The following NCOR2 variants were observed in gnomAD, a reference collection of about 807,000 sequenced individuals.
NCOR2 encodes the protein CTG repeat protein 26.
In NCOR2, 81 loss-of-function variants were observed where a neutral mutation model predicts 262.9. The ratio of observed to expected loss-of-function variants is 0.31; its 90% CI spans 0.26 to 0.37. The LOEUF is 0.37. Among genes scored for constraint, NCOR2 ranks in the 10% least tolerant of loss-of-function variants. The pLI, the probability that NCOR2 is intolerant of heterozygous loss-of-function variation, is 1.00. For missense variants in NCOR2, 3,385 were observed against 3,621.4 expected (o/e 0.93, Z 1.68); for synonymous variants, 1,659 against 1,559.3 (o/e 1.06, Z -1.51).
At chr12:124,424,651 C>A (rs1271576737) in intron 11 of NCOR2, among the ~76,000 whole-genome samples, 2 of 152,242 alleles carry the variant, frequency 1.3e-5, no homozygotes, top group Admixed American at 1.3e-4. Flanking sequence ...GGTCCACTCA[C>A]CCCTGCCGGG....
At chr12:124,388,524 G>A (rs1432714739) in intron 16 of NCOR2, among the ~76,000 whole-genome samples, 1 of 152,126 alleles carries the variant, frequency 6.6e-6, no homozygotes, top group Non-Finnish European at 1.5e-5. Context: ...GGAGAGAGAG[G>A]AGAGGGCATG....
intron 14 of NCOR2, 35 bp downstream of exon 16, chr12:124,402,369 G>A (rs770889754): frequency 1.7e-5 from 27 of 1,610,790 alleles, no homozygotes; most frequent in Middle Eastern, 3.3e-4. Context: ...TTGGGTCAGC[G>A]GCCGGGCCCT....
intron 13 of NCOR2, among the ~76,000 whole-genome samples, chr12:124,418,077 A>G (rs1395206543): frequency 1.3e-5 from 2 of 151,536 alleles, no homozygotes; most frequent in African/African-American, 2.4e-5. Flanking sequence ...AAAAAAAAAC[A>G]AATCCCAAAA....
intron 11 of NCOR2, among the ~76,000 whole-genome samples, chr12:124,424,180 C>T (rs1256579106): frequency 1.3e-5 from 2 of 152,132 alleles, no homozygotes; most frequent in East Asian, 1.9e-4. Flanking sequence ...AGGCTGAAGC[C>T]GCAGAAAGTC....
intron 1 of NCOR2, among the ~76,000 whole-genome samples, chr12:124,564,287 T>C (rs1437961247): frequency 2.0e-5 from 3 of 152,164 alleles, no homozygotes; most frequent in Non-Finnish European, 4.4e-5. Context: ...ACAGACCTTC[T>C]GTCACCCTTG....
intron 16 of NCOR2, among the ~76,000 whole-genome samples, chr12:124,397,003 G>A (rs1462599516): frequency 3.9e-5 from 6 of 152,218 alleles, no homozygotes. Flanking sequence ...ACAGGGACGG[G>A]GAGTGGGGGC....
intron 1 of NCOR2, 36 bp from the exon 4 acceptor site, chr12:124,486,604 G>A (rs772023456): frequency 3.1e-5 from 47 of 1,539,592 alleles, no homozygotes; most frequent in South Asian, 1.5e-4. Flanking sequence ...GAGCGTGGGC[G>A]GGCACGGGCA....
At chr12:124,563,707 T>C (rs1236839017) in intron 1 of NCOR2, among the ~76,000 whole-genome samples, 1 of 152,270 alleles carries the variant, frequency 6.6e-6, no homozygotes, top group African/African-American at 2.4e-5. Flanking sequence ...TTTGCATGAA[T>C]GTTTCAGATA....
At chr12:124,535,878 T>C (rs1328730047), upstream of NCOR2, among the ~76,000 whole-genome samples, 1 of 136,458 alleles carries the variant, frequency 7.3e-6, no homozygotes, top group African/African-American at 2.8e-5. Context: ...CCCAGATGTG[T>C]GGGTTTAAAG....
chr12:124,399,331 T>C (rs1022049387), intron 15 of NCOR2, among the ~76,000 whole-genome samples: 1 of 152,142 alleles, frequency 6.6e-6, no homozygotes, highest in East Asian at 1.9e-4. Context: ...AGAAGAGACA[T>C]GGAAGGCCTA....
intron 17 of NCOR2, among the ~76,000 whole-genome samples, chr12:124,384,911 G>A (rs1278152823): frequency 3.9e-5 from 6 of 152,040 alleles, no homozygotes; most frequent in Non-Finnish European, 7.4e-5. Context: ...TGAAGAGCGT[G>A]GGTGCTGATC....
chr12:124,566,737 CA>C lies in NCOR2; in HGVS notation c.-165+570del, dbSNP rs1199286093. Among the ~76,000 whole-genome samples the C allele has an allele frequency of 2.0e-5, 3 of 152,186 alleles. No individual in the cohort carries two copies. The highest frequency in any genetic ancestry group is 4.4e-5 in the Non-Finnish European group (3 of 68,012). The stretch of plus-strand genomic sequence containing the variant: ...ACACCGGCCCGCGGGGGAGGGGGAC[CA>C]GGGGCGACTCTCCCGAGGGACCCCG... On this transcript the variant is annotated intron_variant, in intron 1 of 32. Coordinates refer to the NCOR2 transcript ENST00000458234. The surrounding 1 kb of genome is among the most constrained non-coding windows in gnomAD (Gnocchi z 4.3).
Position 124,357,873 on chromosome 12 carries a change from TAC to T in NCOR2, c.3101-1093_3101-1092del, listed in dbSNP as rs1332587152. 4.7e-5 allele frequency among the ~76,000 whole-genome samples: 7 copies of T among 150,108 alleles called. No homozygotes were observed. The South Asian group carries it at 1.5e-3, about 32-fold the overall frequency. On this transcript the variant is annotated intron_variant, in intron 22 of 46. Transcript: ENST00000405201. The stretch of plus-strand genomic sequence containing the variant: ...GTGCATGGATGTGTGTGTGCGCCTG[TAC>T]ACAATGTTGAAGGAGGTAACCTGTG...
rs1366398232 is a variant in NCOR2, at chr12:124,483,192, C to T, written c.411+404G>A. Among the ~76,000 whole-genome samples the T allele has an allele frequency of 6.6e-6, 1 of 152,116 alleles. No homozygotes were observed. Among genetic ancestry groups the T allele is most frequent in the African/African-American group, 2.4e-5 (1 of 41,406 alleles). On this transcript the variant is annotated intron_variant, in intron 3 of 46. Coordinates refer to ENST00000405201, the Ensembl canonical transcript of NCOR2. The surrounding 1 kb of genome is among the most constrained non-coding windows in gnomAD (Gnocchi z 6.3). ...AACAACCCACCCTCGAGGAAGCTCT[C>T]AGAATGTGCTGAAAGCTGCCCACCG...
At chr12:124,427,911 C>A (rs564577861) in intron 10 of NCOR2, among the ~76,000 whole-genome samples, 70 of 152,306 alleles carry the variant, frequency 4.6e-4, no homozygotes, top group African/African-American at 1.6e-3. Context: ...CCCTTGCACA[C>A]TCCCGGGGGA....
chr12:124,561,365 C>T (rs2052066080), intron 1 of NCOR2, among the ~76,000 whole-genome samples: 2 of 152,238 alleles, frequency 1.3e-5, no homozygotes, highest in Admixed American at 1.3e-4. Context: ...ACTGGCCTCA[C>T]TTCAAGCCGT....
At chr12:124,491,314 C>T (rs2048071215) in intron 1 of NCOR2, among the ~76,000 whole-genome samples, 1 of 152,230 alleles carries the variant, frequency 6.6e-6, no homozygotes, top group Non-Finnish European at 1.5e-5. Flanking sequence ...TCTGTCCATA[C>T]CCTGTGCGAA....
At chr12:124,348,482 C>T (rs2037131895) in intron 28 of NCOR2, 168 bp from the exon 31 acceptor site, 9 of 891,256 alleles carry the variant, frequency 1.0e-5, no homozygotes, top group Non-Finnish European at 1.5e-5. Context: ...AGCCTGCAGG[C>T]CCTGGGGGCC....
intron 1 of NCOR2, among the ~76,000 whole-genome samples, chr12:124,490,912 G>A (rs967755124): frequency 1.3e-5 from 2 of 152,262 alleles, no homozygotes; most frequent in Admixed American, 6.5e-5. Flanking sequence ...GAGCCCCTGC[G>A]TCTGTGCAGT....
Sources: allele counts gnomAD v4.1 joint callset (sites outside exome capture counted in the v4.1 genomes callset), GRCh38; gene constraint gnomAD v4.1.1; non-coding constraint Gnocchi (gnomAD v3.1); transcripts MANE v1.5; gene names NCBI Gene and HGNC (gene_info 2026-07-23, HGNC 2026-07-21).